PIK3R5: variants seen among roughly 807,000 people sequenced by gnomAD.
PIK3R5 encodes phosphoinositide 3-kinase regulatory subunit 5.
A neutral mutation model predicts 94.9 loss-of-function variants in PIK3R5; 32 were observed. The ratio of observed to expected loss-of-function variants is 0.34; its 90% CI spans 0.25 to 0.45. The LOEUF is 0.45. Ranked by LOEUF, PIK3R5 falls within the 20% of genes least tolerant of loss-of-function variation. The probability of loss-of-function intolerance (pLI) is 1.00; values close to 1 mark genes in which losing one functional copy is unlikely to be tolerated. For missense variants in PIK3R5, 853 were observed against 1,144.6 expected, an observed-to-expected ratio of 0.75 and a Z score of 3.68; for synonymous variants, 443 against 479.4, an observed-to-expected ratio of 0.92 and a Z score of 0.99.
rs773160871 is a variant in PIK3R5, at chr17:8,925,861, AT to A, written c.-13-14355del. Among the ~76,000 whole-genome samples the A allele has an allele frequency of 3.9e-5, 6 of 152,202 alleles. No homozygotes were observed. Among genetic ancestry groups the A allele is most frequent in the Non-Finnish European group, 8.8e-5 (6 of 68,032 alleles). The stretch of plus-strand genomic sequence containing the variant: ...GATGGAGAAGTTTGGGGAGAGGACA[AT>A]TTGGGAGAGGAAAACAAGAGTCCTG... On this transcript the variant is annotated intron_variant, in intron 1 of 18. Transcript: ENST00000447110. The surrounding 1 kb of genome is among the most constrained non-coding windows in gnomAD (Gnocchi z 5.1).
At chr17:8,954,787 A>C (rs1314202840) in intron 1 of PIK3R5, among the ~76,000 whole-genome samples, 1 of 152,046 alleles carries the variant, frequency 6.6e-6, no homozygotes, top group Non-Finnish European at 1.5e-5. Context: ...AAGTACAAAA[A>C]TTAGCCTGGT....
chr17:8,880,545 G>A lies in PIK3R5; in HGVS notation c.*94C>T. 7.8e-7 allele frequency: 1 copy of A among 1,274,268 alleles called. No individual in the cohort carries two copies. Among genetic ancestry groups the A allele is most frequent in the Non-Finnish European group, 1.1e-6 (1 of 943,312 alleles). 78.9% of individuals were successfully genotyped at this position (1,274,268 alleles called of 1,614,324 possible). A position where few individuals can be genotyped will look rare whatever the true frequency, so the allele number is the denominator to read the frequency against. ...CACAGTGGGACTATGGCTCTGCACA[G>A]GGCCATTCAGTTCTCCACAGAGAGG... On this transcript the variant is annotated 3_prime_UTR_variant, in exon 19 of 19. Coordinates refer to ENST00000447110, the MANE Select transcript of PIK3R5 (RefSeq NM_001142633.3).
chr17:8,880,945 G>C lies in PIK3R5; in HGVS notation c.2455C>G (p.Leu819Val). 1 of 1,614,158 alleles carries C rather than the reference G, an allele frequency of 6.2e-7. No individual in the cohort carries two copies. The change falls in exon 18 of 19, where the codon CTG (leucine) becomes GTG (valine). Residue 819 changes from leucine (L) to valine (V), a missense_variant. Physicochemically the swap from Leu to Val is conservative, Grantham distance 32 (BLOSUM62 1). Coordinates refer to ENST00000447110, the MANE Select transcript of PIK3R5 (RefSeq NM_001142633.3). ...GSNSCPFAVC[L>V]DQDERKILQS... is the part of the protein sequence containing the mutation. ...AGGATCTTTCTCTCATCCTGGTCCAGGCACACAGCAAAGGGGCAGCTGTTG... is the reference window on the plus strand; with the variant it reads ...AGGATCTTTCTCTCATCCTGGTCCACGCACACAGCAAAGGGGCAGCTGTTG...
At chr17:8,933,708 G>A (rs997764745) in intron 1 of PIK3R5, among the ~76,000 whole-genome samples, 41 of 152,024 alleles carry the variant, frequency 2.7e-4, no homozygotes, top group African/African-American at 3.9e-4. Flanking sequence ...AATCATTTCC[G>A]AAATAAGTAA....
chr17:8,911,341 C>T lies in PIK3R5; in HGVS notation c.103+51G>A, dbSNP rs758591736. 7.0e-7 allele frequency: 1 copy of T among 1,432,914 alleles called. No homozygotes were observed. Among genetic ancestry groups the T allele is most frequent in the Non-Finnish European group, 9.7e-7 (1 of 1,030,016 alleles). 88.8% of individuals were successfully genotyped at this position (1,432,914 alleles called of 1,614,324 possible). A position where few individuals can be genotyped will look rare whatever the true frequency, so the allele number is the denominator to read the frequency against. On this transcript the variant is annotated intron_variant, in intron 2 of 18. Transcript: ENST00000447110. This position sits in a 1 kb window ranked among gnomAD's most constrained non-coding sequence, Gnocchi z 5.3. ...GCCTGGTCCAGTGCCCACCGTGGCCCCTGAGGCTTCCTTGAGCCCTCAAAC... is the reference window on the plus strand; with the variant it reads ...GCCTGGTCCAGTGCCCACCGTGGCCTCTGAGGCTTCCTTGAGCCCTCAAAC...
At position 8,886,606 on chromosome 17, in the gene PIK3R5, C is replaced by CTG. The variant is rs752430317; in HGVS notation, c.1906-3_1906-2dup. 36 of 1,583,062 alleles carry CTG rather than the reference C, an allele frequency of 2.3e-5. No individual in the cohort carries two copies. The highest frequency in any genetic ancestry group is 3.1e-5 in the Non-Finnish European group (36 of 1,167,794). Reference sequence around the variant, plus strand: ...CCTGGGCTTCAGCCTTCAGGGACTGCTGTGGCCAGAGGGAAGGGGCAGCCA... The same window carrying CTG: ...CCTGGGCTTCAGCCTTCAGGGACTGCTGTGTGGCCAGAGGGAAGGGGCAGCCA... On this transcript the variant is annotated splice_acceptor_variant, in intron 12 of 18. Coordinates refer to ENST00000447110, the MANE Select transcript of PIK3R5 (RefSeq NM_001142633.3). LOFTEE classifies it high-confidence loss of function.
chr17:8,899,836 G>A (rs760953641), intron 5 of PIK3R5, among the ~76,000 whole-genome samples: 2 of 152,086 alleles, frequency 1.3e-5, no homozygotes, highest in African/African-American at 2.4e-5. Context: ...TTAGGAGTTC[G>A]AGACCAGCCT....
rs139664341 is a variant in PIK3R5 at position 8,881,818 on chromosome 17, T to G, written c.2269A>C (p.Asn757His). The G allele has an allele frequency of 1.9e-6, 3 of 1,614,034 alleles. No homozygotes were observed. Among genetic ancestry groups the G allele is most frequent in the African/African-American group, 1.3e-5 (1 of 74,908 alleles). ...LEKVCTSVNL[N>H]KACRKQEELD... Reference sequence around the variant, plus strand: ...TCCTCCTGCTTCCGGCAGGCCTTGTTGAGGTTCACGGAGGTACAGACCTTC... The same window carrying G: ...TCCTCCTGCTTCCGGCAGGCCTTGTGGAGGTTCACGGAGGTACAGACCTTC... The change falls in exon 16 of 19, where the codon AAC becomes CAC. Residue 757 changes from asparagine (N) to histidine (H), a missense_variant. This residue lies in a region of PIK3R5 where 173 missense variants were observed against 274.1 expected (regional missense o/e 0.63). Coordinates refer to ENST00000447110, the MANE Select transcript of PIK3R5 (RefSeq NM_001142633.3). This position sits in a 1 kb window ranked among gnomAD's most constrained non-coding sequence, Gnocchi z 4.8.
chr17:8,938,880 G>T (rs1430142503), intron 1 of PIK3R5, among the ~76,000 whole-genome samples: 1 of 152,176 alleles, frequency 6.6e-6, no homozygotes, highest in African/African-American at 2.4e-5. Context: ...CAGAGCAAAA[G>T]AAAAAGATGA....
intron 3 of PIK3R5, among the ~76,000 whole-genome samples, chr17:8,906,216 C>G (rs542167049): frequency 6.6e-6 from 1 of 152,246 alleles, no homozygotes; most frequent in South Asian, 2.1e-4. Flanking sequence ...CATGTGTTCT[C>G]ATTGTTCAAA....
At chr17:8,887,835 CAAA>C (rs35014801) in intron 10 of PIK3R5, 152 bp from the exon 11 acceptor site, 3,061 of 392,508 alleles carry the variant, frequency 7.8e-3, no homozygotes, top group Middle Eastern at 0.014. Flanking sequence ...TCTACTAAGA[CAAA>C]AAAAAAAAAA....
chr17:8,891,395 G>A (rs574762946), intron 6 of PIK3R5, among the ~76,000 whole-genome samples: 3 of 152,100 alleles, frequency 2.0e-5, no homozygotes, highest in South Asian at 4.2e-4. Context: ...GCATCTGCCC[G>A]GAGGAGGGGA....
intron 11 of PIK3R5, 24 bp downstream of exon 11, chr17:8,887,497 C>T: frequency 6.3e-7 from 1 of 1,590,554 alleles, no homozygotes; most frequent in Non-Finnish European, 8.6e-7. Flanking sequence ...TTTCCCCGAC[C>T]ATTGGCCCAG....
Position 8,909,050 on chromosome 17 carries a change from C to T in PIK3R5, c.204+24G>A, listed in dbSNP as rs749580941. 177 of 1,471,432 alleles carry T rather than the reference C, an allele frequency of 1.2e-4. No individual in the cohort carries two copies. The highest frequency in any genetic ancestry group is 1.1e-4 in the Non-Finnish European group (120 of 1,058,016). 91.1% of individuals were successfully genotyped at this position (1,471,432 alleles called of 1,614,324 possible). A position where few individuals can be genotyped will look rare whatever the true frequency, so the allele number is the denominator to read the frequency against. Reference sequence around the variant, plus strand: ...CTACGAGGCCGACCCCAGATCTGCCCTTCAATTCCTGACTCCCCCTCACCT... The same window carrying T: ...CTACGAGGCCGACCCCAGATCTGCCTTTCAATTCCTGACTCCCCCTCACCT... On this transcript the variant is annotated intron_variant, in intron 3 of 18. Coordinates refer to ENST00000447110, the MANE Select transcript of PIK3R5 (RefSeq NM_001142633.3). The surrounding 1 kb of genome is among the most constrained non-coding windows in gnomAD (Gnocchi z 4.3).
intron 1 of PIK3R5, among the ~76,000 whole-genome samples, chr17:8,933,177 A>G (rs1253513946): frequency 6.6e-6 from 1 of 152,208 alleles, no homozygotes; most frequent in Non-Finnish European, 1.5e-5. Context: ...AAAAGTTAGG[A>G]AACTTAATGG....
chr17:8,895,643 G>T (rs1301101633), intron 5 of PIK3R5, among the ~76,000 whole-genome samples: 1 of 152,166 alleles, frequency 6.6e-6, no homozygotes, highest in Non-Finnish European at 1.5e-5. Context: ...CTAGGATGAG[G>T]AGCAGTCTCT....
chr17:8,903,170 A>AT (rs2090326398), intron 5 of PIK3R5, among the ~76,000 whole-genome samples: 1 of 152,078 alleles, frequency 6.6e-6, no homozygotes, highest in South Asian at 2.1e-4. Flanking sequence ...CTAACTCAAT[A>AT]TTTTTTATGG....
intron 1 of PIK3R5, among the ~76,000 whole-genome samples, chr17:8,959,411 G>C (rs1294557508): frequency 1.1e-5 from 1 of 90,194 alleles, no homozygotes. Flanking sequence ...AACTTTGAGC[G>C]AGAGAGACTG....
rs2089965421 is a variant in PIK3R5 at position 8,889,368 on chromosome 17, C to T, written c.812-146G>A. On this transcript the variant is annotated intron_variant, in intron 8 of 18. Coordinates refer to ENST00000447110, the MANE Select transcript of PIK3R5 (RefSeq NM_001142633.3). This position sits in a 1 kb window ranked among gnomAD's most constrained non-coding sequence, Gnocchi z 4.1. ...AGCTGGATAGGCTGAGGCTGAGTTA[C>T]AGCCAGGGTGCCAGGCTCCAAGCCA... The T allele has an allele frequency of 4.7e-6, 3 of 631,604 alleles. No individual in the cohort carries two copies. The highest frequency in any genetic ancestry group is 3.0e-5 in the Admixed American group (1 of 33,466). 39.1% of individuals were successfully genotyped at this position (631,604 alleles called of 1,614,324 possible).
Sources: allele counts gnomAD v4.1 joint callset (sites outside exome capture counted in the v4.1 genomes callset), GRCh38; gene constraint gnomAD v4.1.1; regional missense constraint gnomAD v4.1.1; non-coding constraint Gnocchi (gnomAD v3.1); transcripts MANE v1.5; gene names NCBI Gene and HGNC (gene_info 2026-07-23, HGNC 2026-07-21).